The following PGLYRP1 variants were observed in gnomAD, a reference collection of about 807,000 sequenced individuals.
The protein encoded by PGLYRP1 is peptidoglycan recognition protein 1.
Under a neutral mutation model 16.3 loss-of-function variants are expected in PGLYRP1, and 18 were observed. The observed-to-expected ratio is 1.11, with a 90% CI of 0.77 to 1.64. The LOEUF is 1.64. Among genes scored for constraint, PGLYRP1 ranks in the 40% most tolerant of loss-of-function variants. PGLYRP1 has a pLI of 0.00. For missense variants in PGLYRP1, 261 were observed against 268.6 expected (o/e 0.97, Z 0.20); for synonymous variants, 89 against 105.7 (o/e 0.84, Z 0.97).
chr19:46,019,720 C>T lies in PGLYRP1; in HGVS notation c.288-73G>A. On this transcript the variant is annotated intron_variant, in intron 1 of 2. Transcript: ENST00000008938. The surrounding 1 kb of genome is among the most constrained non-coding windows in gnomAD (Gnocchi z 4.8). ...AGGAGGACTCCTCCTCCTTCCTCCA[C>T]TCACCCTGCCTCCGTTACTGCCGTG... The T allele has an allele frequency of 6.7e-7, 1 of 1,488,968 alleles. No individual in the cohort carries two copies. Among genetic ancestry groups the T allele is most frequent in the Non-Finnish European group, 9.1e-7 (1 of 1,103,680 alleles). The allele number at this position is 1,488,968 out of a possible 1,614,324, so 92.2% of individuals were successfully genotyped here. A position where few individuals can be genotyped will look rare whatever the true frequency, so the allele number is the denominator to read the frequency against.
chr19:46,022,970 G>A lies in PGLYRP1; in HGVS notation c.52C>T (p.Leu18Phe). ...TCTTCTGTCTCCTGAGCCGCTCCGA[G>A]TCGAAGGAGGCTGGGGAGAGCCCAG... ...LAWALPSLLRLGAAQETEDPA... is the reference protein window; with the variant it reads ...LAWALPSLLRFGAAQETEDPA... The change falls in exon 1 of 3, where the codon CTC becomes TTC. Residue 18 changes from leucine to phenylalanine, a missense_variant. By Grantham distance (22) the Leu-to-Phe change is conservative (BLOSUM62 0). Coordinates refer to ENST00000008938, the MANE Select transcript of PGLYRP1 (RefSeq NM_005091.3). The A allele has an allele frequency of 6.2e-7, 1 of 1,603,350 alleles. No individual in the cohort carries two copies.
rs369872211 is a variant in PGLYRP1, at chr19:46,019,480, G to C, written c.409+46C>G. On this transcript the variant is annotated intron_variant, in intron 2 of 2. Transcript: ENST00000008938. This position sits in a 1 kb window ranked among gnomAD's most constrained non-coding sequence, Gnocchi z 4.8. ...TCCCCGAAGGGGAAGTGATAGCGTA[G>C]GGCCCCGTGTCAGCCCCCATCCCAA... 1.1e-5 allele frequency: 18 copies of C among 1,612,644 alleles called. No homozygotes were observed. Among genetic ancestry groups the C allele is most frequent in the Non-Finnish European group, 1.4e-5 (17 of 1,179,226 alleles).
Position 46,019,453 on chromosome 19 carries a change from C to T in PGLYRP1, c.410-34G>A, listed in dbSNP as rs763462530. ...GGCAGAGGTAGGAGTCAGGCAGGGG[C>T]TTCCCCGAAGGGGAAGTGATAGCGT... is the stretch of plus-strand genomic sequence containing the variant. On this transcript the variant is annotated intron_variant, in intron 2 of 2. Coordinates refer to ENST00000008938, the MANE Select transcript of PGLYRP1 (RefSeq NM_005091.3). The surrounding 1 kb of genome is among the most constrained non-coding windows in gnomAD (Gnocchi z 4.8). The T allele has an allele frequency of 1.1e-5, 18 of 1,611,868 alleles. No individual in the cohort carries two copies. The highest frequency in any genetic ancestry group is 1.5e-5 in the Non-Finnish European group (18 of 1,178,888).
At chr19:46,021,780 C>T (rs969515766) in intron 1 of PGLYRP1, among the ~76,000 whole-genome samples, 10 of 152,310 alleles carry the variant, frequency 6.6e-5, no homozygotes, top group Non-Finnish European at 1.2e-4. Context: ...CAAAGCCCTG[C>T]CTGGTCCTGC....
In PGLYRP1 at chr19:46,019,996, A is replaced by C. The variant is rs1386766518; in HGVS notation, c.288-349T>G. On this transcript the variant is annotated intron_variant, in intron 1 of 2. Coordinates refer to ENST00000008938, the MANE Select transcript of PGLYRP1 (RefSeq NM_005091.3). The surrounding 1 kb of genome is among the most constrained non-coding windows in gnomAD (Gnocchi z 4.8). ...AGCTGGGGTTTTTAACCAGGCCTCCATGGTCCCCACCCATGTGATCTTGTG... is the reference window on the plus strand; with the variant it reads ...AGCTGGGGTTTTTAACCAGGCCTCCCTGGTCCCCACCCATGTGATCTTGTG... Among the ~76,000 whole-genome samples, 1 of 151,714 alleles carries C rather than the reference A, an allele frequency of 6.6e-6. No homozygotes were observed. The highest frequency in any genetic ancestry group is 1.5e-5 in the Non-Finnish European group (1 of 67,944).
At chr19:46,021,374 G>A (rs1969042447) in intron 1 of PGLYRP1, 1 of 152,314 alleles carries the variant, frequency 6.6e-6, no homozygotes. Context: ...TTTTGTGTGT[G>A]TGTGTGTGTG....
chr19:46,020,426 T>C (rs140248371), intron 1 of PGLYRP1, among the ~76,000 whole-genome samples: 2,339 of 152,218 alleles, frequency 0.015, 20 homozygotes, highest in Non-Finnish European at 0.022. Context: ...GGGACTCTTA[T>C]CATCCTCATC....
intron 1 of PGLYRP1, among the ~76,000 whole-genome samples, chr19:46,021,738 G>C (rs1043851911): frequency 6.6e-6 from 1 of 152,158 alleles, no homozygotes; most frequent in Non-Finnish European, 1.5e-5. Context: ...CTCCCATCTC[G>C]GAGTAAAAGC....
At position 46,023,016 on chromosome 19, in the gene PGLYRP1, G is replaced by A. The variant is rs774418563; in HGVS notation, c.6C>T (p.Ser2=). M[S]RRSMLLAWAL... is the part of the protein sequence containing the mutation. ...CCCAGGCAAGCAGCATAGAGCGGCGGGACATAGTGGCAGGGCGGCAGGGTC... is the reference window on the plus strand; with the variant it reads ...CCCAGGCAAGCAGCATAGAGCGGCGAGACATAGTGGCAGGGCGGCAGGGTC... The change falls in exon 1 of 3, where the codon TCC becomes TCT. Residue 2 remains serine, a synonymous_variant. Transcript: ENST00000008938. 5 of 1,540,686 alleles carry A rather than the reference G, an allele frequency of 3.2e-6. No homozygotes were observed. The South Asian group carries it at 6.2e-5, about 19-fold the overall frequency.
intron 1 of PGLYRP1, among the ~76,000 whole-genome samples, chr19:46,021,911 G>T (rs1969048769): frequency 6.6e-6 from 1 of 152,030 alleles, no homozygotes; most frequent in African/African-American, 2.4e-5. Flanking sequence ...GCAGGCCTCT[G>T]TCTGCTCCCC....
At chr19:46,022,133 C>T (rs1427946757) in intron 1 of PGLYRP1, among the ~76,000 whole-genome samples, 2 of 152,272 alleles carry the variant, frequency 1.3e-5, no homozygotes, top group African/African-American at 2.4e-5. Context: ...TGGCACCGTT[C>T]TCCATGCCAC....
Position 46,022,836 on chromosome 19 carries a change from C to T in PGLYRP1, c.186G>A (p.Thr62=), listed in dbSNP as rs770197861. Reference sequence around the variant, plus strand: ...CGGGGGTGTTGCAGCTGCTGCCCGCCGTGTGCGATACCACCACATAGCGTA... The same window carrying T: ...CGGGGGTGTTGCAGCTGCTGCCCGCTGTGTGCGATACCACCACATAGCGTA... The part of the protein sequence containing the change: ...LPLRYVVVSH[T]AGSSCNTPAS... Residue 62 remains threonine (T), a synonymous_variant, in exon 1 of 3, where the codon ACG becomes ACA. Transcript: ENST00000008938. 3.1e-6 allele frequency: 5 copies of T among 1,613,414 alleles called. No individual in the cohort carries two copies. Among genetic ancestry groups the T allele is most frequent in the Admixed American group, 3.3e-5 (2 of 59,896 alleles).
chr19:46,021,604 G>A (rs549487797), intron 1 of PGLYRP1, among the ~76,000 whole-genome samples: 15 of 152,120 alleles, frequency 9.9e-5, no homozygotes, highest in South Asian at 2.1e-4. Flanking sequence ...GCGTGGCCCC[G>A]GACCTGCTTC....
chr19:46,022,967 C>A lies in PGLYRP1; in HGVS notation c.55G>T (p.Gly19Ter), dbSNP rs568631106. The A allele has an allele frequency of 6.9e-6, 11 of 1,604,092 alleles. No homozygotes were observed. Among genetic ancestry groups the A allele is most frequent in the Admixed American group, 3.4e-5 (2 of 58,528 alleles). Reference protein sequence around the residue: ...AWALPSLLRLGAAQETEDPAC... With the variant: ...AWALPSLLRL ...GGGTCTTCTGTCTCCTGAGCCGCTC[C>A]GAGTCGAAGGAGGCTGGGGAGAGCC... The change falls in exon 1 of 3, where the codon GGA (glycine) becomes TGA (stop). Residue 19 changes from glycine (G) to a stop codon, truncating the protein, a stop_gained. Coordinates refer to ENST00000008938, the MANE Select transcript of PGLYRP1 (RefSeq NM_005091.3). LOFTEE classifies it high-confidence loss of function.
chr19:46,022,732 C>G lies in PGLYRP1; in HGVS notation c.287+3G>C. ...CCAGCCCGTGCCCCCCTGCCACACT[C>G]ACTTGTAGCCCACGTCGCACCAGCC... On this transcript the variant is annotated splice_donor_region_variant and intron_variant, in intron 1 of 2. Coordinates refer to ENST00000008938, the MANE Select transcript of PGLYRP1 (RefSeq NM_005091.3). The G allele has an allele frequency of 6.2e-7, 1 of 1,614,056 alleles. No homozygotes were observed.
chr19:46,020,778 C>A (rs905721907), intron 1 of PGLYRP1, among the ~76,000 whole-genome samples: 1 of 152,236 alleles, frequency 6.6e-6, no homozygotes. Context: ...CTCACAGTGT[C>A]ATTAATGACG....
Position 46,019,428 on chromosome 19 carries a change from G to A in PGLYRP1, c.410-9C>T. ...GGGTGTGGGCACCCGATCTGGAGGA[G>A]GCAGAGGTAGGAGTCAGGCAGGGGC... On this transcript the variant is annotated splice_polypyrimidine_tract_variant and intron_variant, in intron 2 of 2. Transcript: ENST00000008938. The surrounding 1 kb of genome is among the most constrained non-coding windows in gnomAD (Gnocchi z 4.8). 2 of 1,613,082 alleles carry A rather than the reference G, an allele frequency of 1.2e-6. No individual in the cohort carries two copies. Among genetic ancestry groups the A allele is most frequent in the East Asian group, 2.2e-5 (1 of 44,856 alleles).
At chr19:46,022,521 A>G (rs1044300513) in intron 1 of PGLYRP1, among the ~76,000 whole-genome samples, 1 of 152,242 alleles carries the variant, frequency 6.6e-6, no homozygotes, top group Non-Finnish European at 1.5e-5. Context: ...ATTTCAGCCC[A>G]TCCCCCCTTC....
intron 1 of PGLYRP1, among the ~76,000 whole-genome samples, chr19:46,022,051 A>G (rs1479500151): frequency 2.6e-5 from 4 of 152,246 alleles, no homozygotes; most frequent in East Asian, 1.9e-4. Flanking sequence ...CATCGCCTCT[A>G]TCACCGTCTG....
Sources: allele counts gnomAD v4.1 joint callset (sites outside exome capture counted in the v4.1 genomes callset), GRCh38; gene constraint gnomAD v4.1.1; non-coding constraint Gnocchi (gnomAD v3.1); transcripts MANE v1.5; gene names NCBI Gene and HGNC (gene_info 2026-07-23, HGNC 2026-07-21).